Variants in CTIF observed in about 807,000 individuals in gnomAD.
The protein encoded by CTIF is cap binding complex dependent translation initiation factor, also known as CBP80/20-dependent translation initiation factor.
Under a neutral mutation model 66.0 loss-of-function variants are expected in CTIF, and 21 were observed. The observed-to-expected ratio is 0.32, with a 90% CI of 0.23 to 0.46. The LOEUF (loss-of-function observed/expected upper bound fraction) is 0.46. Ranked by LOEUF, CTIF falls within the 20% of genes least tolerant of loss-of-function variation. The probability of loss-of-function intolerance (pLI) is 1.00; values close to 1 mark genes in which losing one functional copy is unlikely to be tolerated. For missense variants in CTIF, 739 were observed against 812.7 expected (o/e 0.91, Z 1.10); for synonymous variants, 345 against 326.4 (o/e 1.06, Z -0.62).
rs967686880 is a variant in CTIF, at chr18:48,805,556, C to A, written c.1372-11665C>A. The stretch of plus-strand genomic sequence containing the variant: ...ACCACACCACCAAAGGGCGGCTCTG[C>A]GGAATGTCGTGGCCTTACTTGAAGC... On this transcript the variant is annotated intron_variant, in intron 9 of 11. Transcript: ENST00000256413. Among the ~76,000 whole-genome samples, 3 of 152,004 alleles carry A rather than the reference C, an allele frequency of 2.0e-5. No homozygotes were observed. The East Asian group carries it at 5.8e-4, about 29-fold the overall frequency.
chr18:48,851,925 T>G (rs1404219168), intron 10 of CTIF, among the ~76,000 whole-genome samples: 1 of 152,050 alleles, frequency 6.6e-6, no homozygotes, highest in African/African-American at 2.4e-5. Flanking sequence ...TGAGGGAAAT[T>G]TACTATAAGA....
At chr18:48,612,084 G>A (rs1409424627) in intron 1 of CTIF, among the ~76,000 whole-genome samples, 1 of 152,218 alleles carries the variant, frequency 6.6e-6, no homozygotes, top group Non-Finnish European at 1.5e-5. Flanking sequence ...AGGGGTTGGG[G>A]ACCTGGGGCT....
At chr18:48,559,206 A>G (rs1212629760) in intron 1 of CTIF, among the ~76,000 whole-genome samples, 1 of 132,416 alleles carries the variant, frequency 7.6e-6, no homozygotes, top group African/African-American at 2.7e-5. Flanking sequence ...ACAAATTTTA[A>G]AAAAGTTTGT....
chr18:48,838,329 G>C (rs2068859530), intron 10 of CTIF, among the ~76,000 whole-genome samples: 1 of 152,052 alleles, frequency 6.6e-6, no homozygotes, highest in Non-Finnish European at 1.5e-5. Flanking sequence ...GAAGGCAGGT[G>C]CGCTGCCTTC....
intron 7 of CTIF, among the ~76,000 whole-genome samples, chr18:48,720,277 G>A (rs60240847): frequency 0.2 from 30,185 of 151,864 alleles, 4,313 homozygotes; most frequent in African/African-American, 0.4. Context: ...AGATGGGGAC[G>A]GGGGGGATGC....
intron 10 of CTIF, among the ~76,000 whole-genome samples, chr18:48,854,149 C>T (rs2069271088): frequency 1.3e-5 from 2 of 152,142 alleles, no homozygotes; most frequent in South Asian, 4.1e-4. Flanking sequence ...TCCCTGACTT[C>T]AAGAAGCCGA....
chr18:48,722,479 C>A (rs969781030), intron 7 of CTIF, among the ~76,000 whole-genome samples: 9 of 152,238 alleles, frequency 5.9e-5, no homozygotes, highest in Admixed American at 5.9e-4. Context: ...CCTCAGCCTC[C>A]CACAGTGCTA....
chr18:48,632,375 C>T (rs961191898), intron 2 of CTIF, among the ~76,000 whole-genome samples: 4 of 152,170 alleles, frequency 2.6e-5, no homozygotes, highest in Admixed American at 1.3e-4. Flanking sequence ...TGCCCGCCTC[C>T]GGCTTTGTTG....
At chr18:48,587,761 T>A (rs1482487811) in intron 1 of CTIF, among the ~76,000 whole-genome samples, 1 of 152,202 alleles carries the variant, frequency 6.6e-6, no homozygotes. Context: ...TTATGACACC[T>A]GTAAGACAGG....
intron 9 of CTIF, among the ~76,000 whole-genome samples, chr18:48,776,014 T>A (rs1200271554): frequency 6.6e-6 from 1 of 152,248 alleles, no homozygotes; most frequent in Non-Finnish European, 1.5e-5. Context: ...CTAAAACTTC[T>A]ACCTCAAGAG....
intron 10 of CTIF, among the ~76,000 whole-genome samples, chr18:48,844,252 G>A (rs2069017600): frequency 6.6e-6 from 1 of 152,208 alleles, no homozygotes; most frequent in Non-Finnish European, 1.5e-5. Context: ...TGCTTCCCTG[G>A]AGTCTCAAAC....
intron 3 of CTIF, among the ~76,000 whole-genome samples, chr18:48,660,913 C>T (rs2091332072): frequency 6.6e-6 from 1 of 152,258 alleles, no homozygotes; most frequent in Admixed American, 6.5e-5. Context: ...CTTTCTATCT[C>T]TCCATCCATG....
rs116871385 is a variant in CTIF, at chr18:48,593,176, G to T, written c.-28-26362G>T. ...GATTCCCTCTGGTCAGTGTACAGTT[G>T]GCAGAAATGCCCGGGAGACCCTCAG... On this transcript the variant is annotated intron_variant, in intron 1 of 11. Coordinates refer to ENST00000256413, the MANE Select transcript of CTIF (RefSeq NM_014772.3). Among the ~76,000 whole-genome samples, 52 of 152,268 alleles carry T rather than the reference G, an allele frequency of 3.4e-4. No homozygotes were observed. The East Asian group carries it at 7.7e-3, about 23-fold the overall frequency.
intron 10 of CTIF, among the ~76,000 whole-genome samples, chr18:48,817,990 G>A (rs1488532097): frequency 1.3e-5 from 2 of 152,214 alleles, no homozygotes; most frequent in African/African-American, 2.4e-5. Flanking sequence ...CTCAATGAGC[G>A]ATCTTGGAAT....
At chr18:48,594,319 C>T (rs1030442753) in intron 1 of CTIF, among the ~76,000 whole-genome samples, 1 of 142,536 alleles carries the variant, frequency 7.0e-6, no homozygotes, top group Non-Finnish European at 1.5e-5. Flanking sequence ...CTTCATTCTT[C>T]CCCACCCCCA....
At chr18:48,738,713 T>G (rs1487741403) in intron 7 of CTIF, among the ~76,000 whole-genome samples, 1 of 152,218 alleles carries the variant, frequency 6.6e-6, no homozygotes, top group Non-Finnish European at 1.5e-5. Flanking sequence ...TTCTTCCAGC[T>G]TCCCACTTCC....
chr18:48,721,510 C>T (rs1489602274), intron 7 of CTIF, among the ~76,000 whole-genome samples: 2 of 152,220 alleles, frequency 1.3e-5, no homozygotes, highest in African/African-American at 4.8e-5. Context: ...CAGCCCAGCC[C>T]TCCCCGGGGA....
intron 1 of CTIF, among the ~76,000 whole-genome samples, chr18:48,541,985 C>T (rs566199054): frequency 6.6e-6 from 1 of 152,106 alleles, no homozygotes; most frequent in African/African-American, 2.4e-5. Flanking sequence ...CACATTCCCC[C>T]TTTTCTCAGC....
chr18:48,859,594 C>T lies in CTIF; in HGVS notation c.*35C>T. On this transcript the variant is annotated 3_prime_UTR_variant, in exon 12 of 12. Coordinates refer to ENST00000256413, the MANE Select transcript of CTIF (RefSeq NM_014772.3). ...GGCCTGGCAGGCGGCCCACGGGCAG[C>T]TGGGGCCCTGGTGCACAGGGCCAGA... 1 of 1,597,198 alleles carries T rather than the reference C, an allele frequency of 6.3e-7. No homozygotes were observed. The highest frequency in any genetic ancestry group is 8.6e-7 in the Non-Finnish European group (1 of 1,165,170).
Sources: gnomAD v4.1 joint callset for allele counts (sites outside exome capture counted in the v4.1 genomes callset) on GRCh38, gnomAD v4.1.1 for gene constraint, MANE v1.5 for transcripts, NCBI Gene and HGNC (gene_info 2026-07-23, HGNC 2026-07-21) for gene names.